RYR3: variants seen among roughly 807,000 people sequenced by gnomAD.
RYR3 encodes the protein brain ryanodine receptor-calcium release channel.
RYR3 carries 207 observed loss-of-function variants against 584.3 expected under a neutral mutation model. That is an observed-to-expected ratio of 0.35 (90% CI 0.32 to 0.40). RYR3 has a LOEUF of 0.40. Ranked by LOEUF, RYR3 falls within the 10% of genes least tolerant of loss-of-function variation. RYR3 has a pLI of 1.00. For missense variants in RYR3, 5,616 were observed against 6,089.2 expected, an observed-to-expected ratio of 0.92 and a Z score of 2.59; for synonymous variants, 2,416 against 2,248.5, an observed-to-expected ratio of 1.07 and a Z score of -2.11.
intron 1 of RYR3, among the ~76,000 whole-genome samples, chr15:33,337,056 C>CAAAA (rs71117134): frequency 0.067 from 3,299 of 48,994 alleles, 552 homozygotes; most frequent in African/African-American, 0.095. Context: ...GACTCCGTCT[C>CAAAA]AAAAAAAAAA....
chr15:33,402,017 T>A (rs1163061739), intron 1 of RYR3, among the ~76,000 whole-genome samples: 1 of 152,192 alleles, frequency 6.6e-6, no homozygotes, highest in African/African-American at 2.4e-5. Context: ...ATGAGGTTCT[T>A]CCCATGATTA....
At chr15:33,718,807 C>T (rs1231331985) in intron 43 of RYR3, among the ~76,000 whole-genome samples, 2 of 152,102 alleles carry the variant, frequency 1.3e-5, no homozygotes, top group Non-Finnish European at 2.9e-5. Flanking sequence ...GAAAAGAAAA[C>T]AGTAACATGA....
chr15:33,628,465 C>T lies in RYR3; in HGVS notation c.2575-6C>T, dbSNP rs1187762458. The T allele has an allele frequency of 1.3e-6, 2 of 1,590,218 alleles. No homozygotes were observed. Among genetic ancestry groups the T allele is most frequent in the Admixed American group, 3.3e-5 (2 of 59,920 alleles). On this transcript the variant is annotated splice_polypyrimidine_tract_variant and splice_region_variant and intron_variant, in intron 20 of 103. Transcript: ENST00000634891. ...CGATTCTTTTCACTTGCTCCTTTTC[C>T]TTTAGGTTATTTTGCCACCTCACCT... is the stretch of plus-strand genomic sequence containing the variant.
intron 38 of RYR3, among the ~76,000 whole-genome samples, chr15:33,685,477 A>G (rs2064932404): frequency 6.6e-6 from 1 of 152,268 alleles, no homozygotes; most frequent in South Asian, 2.1e-4. Context: ...AGAGACTTAG[A>G]CTCCCACACA....
At chr15:33,852,227 C>T (rs2079177842) in intron 94 of RYR3, 1 of 152,158 alleles carries the variant, frequency 6.6e-6, no homozygotes, top group African/African-American at 2.4e-5. Flanking sequence ...TCCTAGGCTG[C>T]AATCCAGTCT....
intron 1 of RYR3, among the ~76,000 whole-genome samples, chr15:33,429,802 CAGTT>C (rs1332161140): frequency 1.3e-5 from 2 of 152,204 alleles, no homozygotes; most frequent in Admixed American, 6.5e-5. Flanking sequence ...GTAGCACTGA[CAGTT>C]GGTTTCTGGA....
At chr15:33,444,065 C>A (rs1468494974) in intron 1 of RYR3, among the ~76,000 whole-genome samples, 2 of 152,120 alleles carry the variant, frequency 1.3e-5, no homozygotes, top group African/African-American at 4.8e-5. Flanking sequence ...GGTTAGCATT[C>A]TTTGGAAATG....
intron 67 of RYR3, among the ~76,000 whole-genome samples, chr15:33,794,334 T>TATGACATATA (rs1216564897): frequency 2.3e-5 from 2 of 87,066 alleles, no homozygotes; most frequent in East Asian, 6.7e-4. Context: ...TTTATATATG[T>TATGACATATA]TTATATATAT....
At chr15:33,319,988 T>G (rs961946186) in intron 1 of RYR3, among the ~76,000 whole-genome samples, 4 of 152,140 alleles carry the variant, frequency 2.6e-5, no homozygotes, top group African/African-American at 9.7e-5. Context: ...AAATCAGGCT[T>G]TATTTGCAAA....
chr15:33,700,839 C>T (rs2066247976), intron 41 of RYR3, 138 bp from the exon 42 acceptor site: 1 of 570,528 alleles, frequency 1.8e-6, no homozygotes, highest in Admixed American at 2.8e-5. Context: ...CGGACTGTCC[C>T]ATTGGAGAAC....
At chr15:33,683,080 C>T (rs1471898050) in intron 38 of RYR3, among the ~76,000 whole-genome samples, 4 of 151,882 alleles carry the variant, frequency 2.6e-5, no homozygotes, top group South Asian at 2.1e-4. Context: ...CTGCAAGCTC[C>T]GCCTCCCGGG....
intron 85 of RYR3, among the ~76,000 whole-genome samples, chr15:33,827,676 G>A (rs796670345): frequency 1.3e-5 from 2 of 152,206 alleles, no homozygotes; most frequent in Admixed American, 1.3e-4. Context: ...ACAAGTTCGT[G>A]TTGAGAAGTC....
intron 43 of RYR3, among the ~76,000 whole-genome samples, chr15:33,709,742 C>G (rs1350599031): frequency 1.3e-5 from 2 of 152,144 alleles, no homozygotes; most frequent in Non-Finnish European, 2.9e-5. Flanking sequence ...AAATAAACCT[C>G]TATATTGTAT....
chr15:33,394,558 G>C (rs2141311795), intron 1 of RYR3, among the ~76,000 whole-genome samples: 1 of 152,320 alleles, frequency 6.6e-6, no homozygotes, highest in African/African-American at 2.4e-5. Context: ...CACTTTGGCT[G>C]CTGAGCTGAT....
rs1277854804 is a variant in RYR3 at position 33,659,770 on chromosome 15, T to C, written c.4359T>C (p.Ser1453=). 1 of 1,613,062 alleles carries C rather than the reference T, an allele frequency of 6.2e-7. No homozygotes were observed. The highest frequency in any genetic ancestry group is 1.3e-5 in the African/African-American group (1 of 74,908). The change falls in exon 33 of 104, where the codon AGT becomes AGC. Residue 1453 remains serine (S), a synonymous_variant. Coordinates refer to ENST00000634891, the MANE Select transcript of RYR3 (RefSeq NM_001036.6). ...VFPAVFLQPT[S]TSLFQFELGK... ...CAGCAGTCTTCCTGCAGCCTACAAG[T>C]ACTTCTTTGTTTCAGTTTGAACTTG...
intron 1 of RYR3, among the ~76,000 whole-genome samples, chr15:33,394,433 T>C (rs1361692034): frequency 6.6e-6 from 1 of 152,258 alleles, no homozygotes; most frequent in Admixed American, 6.5e-5. Flanking sequence ...TTACATGTTA[T>C]GTTCCAACTT....
At chr15:33,857,311 C>G (rs950628246) in intron 98 of RYR3, among the ~76,000 whole-genome samples, 1 of 152,062 alleles carries the variant, frequency 6.6e-6, no homozygotes, top group South Asian at 2.1e-4. Flanking sequence ...CTCTCGCTGC[C>G]GCTTCCCCTG....
intron 85 of RYR3, among the ~76,000 whole-genome samples, chr15:33,828,853 A>G (rs1454236701): frequency 6.6e-6 from 1 of 152,246 alleles, no homozygotes; most frequent in East Asian, 1.9e-4. Flanking sequence ...ACTAAACAAC[A>G]GATTTCCCAC....
At chr15:33,765,048 A>AG (rs1283591123) in intron 60 of RYR3, among the ~76,000 whole-genome samples, 2 of 151,400 alleles carry the variant, frequency 1.3e-5, no homozygotes, top group African/African-American at 4.9e-5. Flanking sequence ...AAAAAAAAAA[A>AG]AAGACATCAT....
Sources: gnomAD v4.1 joint callset for allele counts (sites outside exome capture counted in the v4.1 genomes callset) on GRCh38, gnomAD v4.1.1 for gene constraint, MANE v1.5 for transcripts, NCBI Gene and HGNC (gene_info 2026-07-23, HGNC 2026-07-21) for gene names.